Variants in NCKAP1L observed in about 807,000 individuals in gnomAD.
NCKAP1L encodes nck-associated protein 1-like.
NCKAP1L carries 53 observed loss-of-function variants against 139.2 expected under a neutral mutation model. The observed-to-expected ratio is 0.38, with a 90% CI of 0.31 to 0.48. The LOEUF is 0.48. Among genes scored for constraint, NCKAP1L ranks in the 20% least tolerant of loss-of-function variants. The probability of loss-of-function intolerance (pLI) is 0.98; values close to 1 mark genes in which losing one functional copy is unlikely to be tolerated. For missense variants in NCKAP1L, 1,151 were observed against 1,381.9 expected (o/e 0.83, Z 2.65); for synonymous variants, 468 against 499.7 (o/e 0.94, Z 0.85).
At position 54,510,687 on chromosome 12, in the gene NCKAP1L, T is replaced by C. The variant is rs976027426; in HGVS notation, c.735+702T>C. Among the ~76,000 whole-genome samples the C allele has an allele frequency of 2.2e-4, 34 of 151,784 alleles. 1 individual carries two copies. The highest frequency in any genetic ancestry group is 7.7e-4 in the African/African-American group (32 of 41,458). ...GCCACACCTGGGTAATTTTTTTTTT[T>C]TTTTTTGTATCTTTAGTAGAGACAG... On this transcript the variant is annotated intron_variant, in intron 7 of 30. Coordinates refer to ENST00000293373, the MANE Select transcript of NCKAP1L (RefSeq NM_005337.5).
chr12:54,506,599 TTTA>T (rs1956840550), intron 3 of NCKAP1L, among the ~76,000 whole-genome samples: 1 of 147,974 alleles, frequency 6.8e-6, no homozygotes, highest in Admixed American at 6.8e-5. Flanking sequence ...GCTAATTTTT[TTTA>T]TTTTTATTTT....
intron 3 of NCKAP1L, among the ~76,000 whole-genome samples, chr12:54,504,863 T>G (rs1196638371): frequency 6.6e-6 from 1 of 152,252 alleles, no homozygotes; most frequent in Non-Finnish European, 1.5e-5. Flanking sequence ...CAACACATGT[T>G]ATTTCCGTTC....
intron 30 of NCKAP1L, 27 bp from the exon 31 acceptor site, chr12:54,542,548 C>G: frequency 2.6e-6 from 4 of 1,545,890 alleles, no homozygotes; most frequent in Non-Finnish European, 3.6e-6. Flanking sequence ...ACCTGAGGTT[C>G]TCATCTCTTG....
At chr12:54,537,760 G>T (rs1365851191) in intron 29 of NCKAP1L, among the ~76,000 whole-genome samples, 2 of 152,160 alleles carry the variant, frequency 1.3e-5, no homozygotes, top group Non-Finnish European at 2.9e-5. Flanking sequence ...TCTTGATGCT[G>T]CTTGTCTGGG....
intron 3 of NCKAP1L, among the ~76,000 whole-genome samples, chr12:54,506,799 ATAT>A (rs1565672929): frequency 6.2e-4 from 57 of 92,518 alleles, no homozygotes; most frequent in African/African-American, 1.8e-3. Context: ...AAAAAAAAAT[ATAT>A]ATATATATAT....
At chr12:54,498,668 C>G in intron 1 of NCKAP1L, 1 of 400,640 alleles carries the variant, frequency 2.5e-6, no homozygotes, top group Non-Finnish European at 3.4e-6. Flanking sequence ...GGATAAGATA[C>G]TTACATAGTG....
chr12:54,516,934 T>G lies in NCKAP1L; in HGVS notation c.1037T>G (p.Met346Arg). The change falls in exon 11 of 31, where the codon ATG (methionine) becomes AGG (arginine). Residue 346 changes from methionine to arginine, a missense_variant. Coordinates refer to ENST00000293373, the MANE Select transcript of NCKAP1L (RefSeq NM_005337.5). ...TGTCAACGGCGGCAATTTCTGCGGA[T>G]GGCAGTGAAGGAGCTGGAGACTGTG... ...FHCQRRQFLR[M>R]AVKELETVLA... is the part of the protein sequence containing the mutation. 1 of 1,612,974 alleles carries G rather than the reference T, an allele frequency of 6.2e-7. No homozygotes were observed. Among genetic ancestry groups the G allele is most frequent in the South Asian group, 1.1e-5 (1 of 91,064 alleles).
At chr12:54,514,117 T>A (rs1415892892) in intron 9 of NCKAP1L, among the ~76,000 whole-genome samples, 2 of 152,202 alleles carry the variant, frequency 1.3e-5, no homozygotes, top group African/African-American at 4.8e-5. Context: ...TACTATGTTT[T>A]GGATATCTTT....
chr12:54,536,844 C>T (rs1957117173), intron 28 of NCKAP1L, 100 bp from the exon 29 acceptor site: 3 of 737,648 alleles, frequency 4.1e-6, no homozygotes, highest in Admixed American at 2.3e-5. Flanking sequence ...ACTGGTGGCT[C>T]AGCCTGAAAA....
intron 19 of NCKAP1L, 49 bp downstream of exon 19, chr12:54,523,588 G>A: frequency 6.4e-7 from 1 of 1,566,744 alleles, no homozygotes; most frequent in Non-Finnish European, 8.6e-7. Flanking sequence ...ATCAAAGAAG[G>A]CAGGAAAGGA....
At chr12:54,512,158 C>T (rs1157117112) in intron 9 of NCKAP1L, 53 bp downstream of exon 9, 14 of 1,577,764 alleles carry the variant, frequency 8.9e-6, no homozygotes, top group Non-Finnish European at 1.2e-5. Flanking sequence ...TTAGCCCCTC[C>T]AATATCCTTT....
At chr12:54,527,602 C>T (rs938468998) in intron 21 of NCKAP1L, among the ~76,000 whole-genome samples, 28 of 152,134 alleles carry the variant, frequency 1.8e-4, no homozygotes, top group African/African-American at 6.8e-4. Flanking sequence ...TGATTCAGCC[C>T]CTCTTCCCCT....
At chr12:54,528,570 C>G (rs1388920747) in intron 22 of NCKAP1L, among the ~76,000 whole-genome samples, 193 bp downstream of exon 22, 2 of 151,932 alleles carry the variant, frequency 1.3e-5, no homozygotes, top group African/African-American at 4.8e-5. Flanking sequence ...GGAGGACATT[C>G]TCCTGTTTGG....
Position 54,535,091 on chromosome 12 carries a change from T to A in NCKAP1L, c.2863-13T>A, listed in dbSNP as rs1196951171. On this transcript the variant is annotated splice_polypyrimidine_tract_variant and intron_variant, in intron 26 of 30. Transcript: ENST00000293373. The stretch of plus-strand genomic sequence containing the variant: ...TGCGAATCCTCTCTAGAATGTTATT[T>A]TCTTCTCTCCAGGTGACCTTGAGTA... 1 of 1,610,488 alleles carries A rather than the reference T, an allele frequency of 6.2e-7. No homozygotes were observed. The highest frequency in any genetic ancestry group is 1.7e-5 in the Admixed American group (1 of 59,778).
chr12:54,523,717 T>C (rs1957004977), intron 19 of NCKAP1L, 108 bp from the exon 20 acceptor site: 1 of 1,464,406 alleles, frequency 6.8e-7, no homozygotes, highest in Non-Finnish European at 9.2e-7. Flanking sequence ...CAATGTGTAC[T>C]CTTCTAGGCT....
intron 2 of NCKAP1L, among the ~76,000 whole-genome samples, chr12:54,499,667 T>TCGGCCA (rs1956781086): frequency 6.6e-6 from 1 of 152,218 alleles, no homozygotes; most frequent in African/African-American, 2.4e-5. Flanking sequence ...GATGGGATTC[T>TCGGCCA]TCCAGCATAA....
rs1291340610 is a variant in NCKAP1L, at chr12:54,506,785, T to TAAAAAA, written c.307-1061_307-1056dup. ...CTGTTCAAATCTTTTGGCAACATAT[T>TAAAAAA]AAAAAAAAAAAATATATATATATAT... On this transcript the variant is annotated intron_variant, in intron 3 of 30. Coordinates refer to ENST00000293373, the MANE Select transcript of NCKAP1L (RefSeq NM_005337.5). Among the ~76,000 whole-genome samples, 47 of 60,350 alleles carry TAAAAAA rather than the reference T, an allele frequency of 7.8e-4. No homozygotes were observed. The South Asian group carries it at 8.7e-3, about 11-fold the overall frequency. 39.6% of individuals were successfully genotyped at this position (60,350 alleles called of 152,430 possible).
chr12:54,539,101 A>T (rs1957136867), intron 30 of NCKAP1L, 128 bp downstream of exon 30: 4 of 715,810 alleles, frequency 5.6e-6, no homozygotes, highest in African/African-American at 3.5e-5. Flanking sequence ...TTAACTCTGC[A>T]TAACCCTCTG....
intron 5 of NCKAP1L, among the ~76,000 whole-genome samples, chr12:54,508,969 G>A (rs1956864197): frequency 6.6e-6 from 1 of 152,114 alleles, no homozygotes; most frequent in Non-Finnish European, 1.5e-5. Context: ...TATTCAATTT[G>A]CATCATCTCT....
Sources: gnomAD v4.1 joint callset for allele counts (sites outside exome capture counted in the v4.1 genomes callset) on GRCh38, gnomAD v4.1.1 for gene constraint, MANE v1.5 for transcripts, NCBI Gene and HGNC (gene_info 2026-07-23, HGNC 2026-07-21) for gene names.